CRISPLD1: variants seen among roughly 807,000 people sequenced by gnomAD.
CRISPLD1 encodes cysteine rich secretory protein LCCL domain containing 1, also known as cysteine-rich secretory protein LCCL domain-containing 1.
A neutral mutation model predicts 77.5 loss-of-function variants in CRISPLD1; 60 were observed. That is an observed-to-expected ratio of 0.77 (90% CI 0.63 to 0.96). The LOEUF is 0.96. CRISPLD1 is among the 40% of genes least tolerant of loss of function. The pLI, the probability that CRISPLD1 is intolerant of heterozygous loss-of-function variation, is 0.00. For missense variants in CRISPLD1, 623 were observed against 615.8 expected (o/e 1.01, Z -0.12); for synonymous variants, 195 against 200.1 (o/e 0.97, Z 0.22).
chr8:74,996,034 TTATATATA>T (rs10588040), intron 2 of CRISPLD1, among the ~76,000 whole-genome samples: 1 of 145,654 alleles, frequency 6.9e-6, no homozygotes, highest in East Asian at 2.0e-4. Context: ...GGTCATTGCT[TTATATATA>T]TATATATATA....
chr8:75,016,482 G>A lies in CRISPLD1; in HGVS notation c.728-83G>A, dbSNP rs1262169065. The A allele has an allele frequency of 8.7e-6, 11 of 1,266,156 alleles. No individual in the cohort carries two copies. In the East Asian group the frequency reaches 2.4e-4, roughly 28 times the overall value. 78.4% of individuals were successfully genotyped at this position (1,266,156 alleles called of 1,614,324 possible). A position where few individuals can be genotyped will look rare whatever the true frequency, so the allele number is the denominator to read the frequency against. On this transcript the variant is annotated intron_variant, in intron 6 of 14. Transcript: ENST00000262207. ...TTTTCTAGTTCTAAATGTTAAATAG[G>A]AGTATTAAAGTATATTATTATTTGA...
chr8:75,010,633 C>T (rs757790006), intron 2 of CRISPLD1, among the ~76,000 whole-genome samples: 2 of 152,028 alleles, frequency 1.3e-5, no homozygotes, highest in Non-Finnish European at 2.9e-5. Flanking sequence ...ACTTGTTACC[C>T]ATTCTCTACT....
chr8:74,987,502 T>C (rs1450156278), intron 2 of CRISPLD1, among the ~76,000 whole-genome samples: 5 of 152,240 alleles, frequency 3.3e-5, no homozygotes, highest in African/African-American at 1.2e-4. Flanking sequence ...TACTTCAAGA[T>C]CTCAGTAAAT....
At chr8:74,990,484 C>T (rs1389065378) in intron 2 of CRISPLD1, among the ~76,000 whole-genome samples, 7 of 151,994 alleles carry the variant, frequency 4.6e-5, no homozygotes, top group African/African-American at 1.7e-4. Flanking sequence ...GTCCTTTTCC[C>T]GTTCTACAGG....
chr8:74,998,802 C>T (rs1812687136), intron 2 of CRISPLD1, among the ~76,000 whole-genome samples: 1 of 150,914 alleles, frequency 6.6e-6, no homozygotes, highest in South Asian at 2.1e-4. Context: ...GGTTTCTTCT[C>T]TGATTTGCCA....
chr8:75,015,359 T>C (rs1813009668), intron 6 of CRISPLD1, among the ~76,000 whole-genome samples: 1 of 152,172 alleles, frequency 6.6e-6, no homozygotes. Flanking sequence ...GATTTTTCAC[T>C]TCTCACTGCA....
At chr8:75,016,320 G>T (rs1376119950) in intron 6 of CRISPLD1, among the ~76,000 whole-genome samples, 1 of 152,102 alleles carries the variant, frequency 6.6e-6, no homozygotes, top group African/African-American at 2.4e-5. Flanking sequence ...AAGTTTAGAA[G>T]TGGCTTCATT....
intron 2 of CRISPLD1, among the ~76,000 whole-genome samples, chr8:75,001,415 A>T (rs1212720396): frequency 6.6e-6 from 1 of 152,148 alleles, no homozygotes; most frequent in Admixed American, 6.5e-5. Context: ...CTTCCAGGAG[A>T]TACAGTGATC....
At chr8:75,006,830 C>T (rs1157138940) in intron 2 of CRISPLD1, among the ~76,000 whole-genome samples, 1 of 151,962 alleles carries the variant, frequency 6.6e-6, no homozygotes, top group African/African-American at 2.4e-5. Flanking sequence ...CCCATCACCT[C>T]CACCCCACTA....
At chr8:75,020,705 C>G (rs891689015) in intron 12 of CRISPLD1, among the ~76,000 whole-genome samples, 1 of 152,162 alleles carries the variant, frequency 6.6e-6, no homozygotes, top group Admixed American at 6.5e-5. Flanking sequence ...TCATTCAGTT[C>G]ATAACAATTT....
At chr8:75,025,325 T>C (rs554277691) in intron 12 of CRISPLD1, among the ~76,000 whole-genome samples, 1 of 152,226 alleles carries the variant, frequency 6.6e-6, no homozygotes, top group South Asian at 2.1e-4. Context: ...GAAAGCTTCC[T>C]AACTAATTTT....
At chr8:75,017,152 T>C (rs1465460502) in intron 9 of CRISPLD1, 39 bp downstream of exon 9, 1 of 1,557,178 alleles carries the variant, frequency 6.4e-7, no homozygotes, top group Non-Finnish European at 8.8e-7. Context: ...GATAGAGTCA[T>C]TCCATGTAAT....
intron 2 of CRISPLD1, among the ~76,000 whole-genome samples, chr8:74,999,793 A>G (rs1419917083): frequency 6.6e-6 from 1 of 150,988 alleles, no homozygotes; most frequent in Non-Finnish European, 1.5e-5. Context: ...TTTTTTACAA[A>G]GTACTTATAA....
chr8:75,019,805 C>G lies in CRISPLD1; in HGVS notation c.1128-65C>G. On this transcript the variant is annotated intron_variant, in intron 10 of 14. Coordinates refer to ENST00000262207, the MANE Select transcript of CRISPLD1 (RefSeq NM_031461.6). ...AAGTGTTCATAGACTTGAAAGATAC[C>G]AGAAATGATGCTGCTGCTGATGCCT... 5 of 1,296,698 alleles carry G rather than the reference C, an allele frequency of 3.9e-6. No homozygotes were observed. The East Asian group carries it at 9.2e-5, about 24-fold the overall frequency. The allele number at this position is 1,296,698 out of a possible 1,614,324, so 80.3% of individuals were successfully genotyped here. A position where few individuals can be genotyped will look rare whatever the true frequency, so the allele number is the denominator to read the frequency against.
intron 13 of CRISPLD1, chr8:75,026,622 C>T (rs979674755): frequency 2.0e-5 from 3 of 152,160 alleles, no homozygotes; most frequent in Non-Finnish European, 2.9e-5. Flanking sequence ...ATGAGGCAAA[C>T]ACTTAGAAAC....
At position 75,016,725 on chromosome 8, in the gene CRISPLD1, TATAAAAATTTTCAAAGTAC is replaced by T. The variant is rs767036651; in HGVS notation, c.868+26_868+44del. 10 of 1,591,688 alleles carry T rather than the reference TATAAAAATTTTCAAAGTAC, an allele frequency of 6.3e-6. No homozygotes were observed. In the South Asian group the frequency reaches 1.0e-4, roughly 16 times the overall value. ...AAATGTGTAAGACCTCCATATTACT[TATAAAAATTTTCAAAGTAC>T]ATAAATGGTATATCCATCAAGATTT... On this transcript the variant is annotated intron_variant, in intron 7 of 14. Coordinates refer to ENST00000262207, the MANE Select transcript of CRISPLD1 (RefSeq NM_031461.6).
chr8:75,013,454 G>A (rs1285501248), intron 4 of CRISPLD1, among the ~76,000 whole-genome samples: 1 of 152,018 alleles, frequency 6.6e-6, no homozygotes, highest in Non-Finnish European at 1.5e-5. Context: ...ACTAAAGGCA[G>A]ATTGATAAAG....
intron 7 of CRISPLD1, 72 bp from the exon 8 acceptor site, chr8:75,016,809 A>G: frequency 2.6e-6 from 4 of 1,529,990 alleles, no homozygotes; most frequent in Middle Eastern, 1.8e-4. Context: ...AAATTTTGTC[A>G]TTAGGCTATA....
At chr8:75,027,548 C>T (rs987450809) in intron 13 of CRISPLD1, among the ~76,000 whole-genome samples, 1 of 152,148 alleles carries the variant, frequency 6.6e-6, no homozygotes, top group African/African-American at 2.4e-5. Flanking sequence ...ATCATTTTAT[C>T]TTTCTACCCT....
Sources: allele counts gnomAD v4.1 joint callset (sites outside exome capture counted in the v4.1 genomes callset), GRCh38; gene constraint gnomAD v4.1.1; transcripts MANE v1.5; gene names NCBI Gene and HGNC (gene_info 2026-07-23, HGNC 2026-07-21).